The following NRG3 variants were observed in gnomAD, a reference collection of about 807,000 sequenced individuals.
NRG3 encodes pro-neuregulin-3, membrane-bound isoform.
In NRG3, 31 loss-of-function variants were observed where a neutral mutation model predicts 66.9. That is an observed-to-expected ratio of 0.46 (90% CI 0.35 to 0.63). The LOEUF (loss-of-function observed/expected upper bound fraction) is 0.63. Ranked by LOEUF, NRG3 falls within the 20% of genes least tolerant of loss-of-function variation. The probability of loss-of-function intolerance (pLI) is 0.00; values close to 1 mark genes in which losing one functional copy is unlikely to be tolerated. For missense variants in NRG3, 910 were observed against 878.9 expected, an observed-to-expected ratio of 1.04 and a Z score of -0.45; for synonymous variants, 393 against 359.4, an observed-to-expected ratio of 1.09 and a Z score of -1.06.
At chr10:82,808,401 C>A (rs533598523) in intron 3 of NRG3, among the ~76,000 whole-genome samples, 1 of 152,072 alleles carries the variant, frequency 6.6e-6, no homozygotes, top group East Asian at 1.9e-4. Context: ...ATAAAGGAGT[C>A]GACTCATTTC....
intron 1 of NRG3, among the ~76,000 whole-genome samples, chr10:82,277,208 C>T (rs567913768): frequency 7.2e-5 from 11 of 151,860 alleles, no homozygotes; most frequent in Non-Finnish European, 1.2e-4. Flanking sequence ...CCTCTAAGTA[C>T]GTTTTGGATC....
At chr10:82,816,599 T>C (rs2061716203) in intron 3 of NRG3, among the ~76,000 whole-genome samples, 1 of 151,972 alleles carries the variant, frequency 6.6e-6, no homozygotes, top group Admixed American at 6.6e-5. Context: ...GGACTCCACC[T>C]GGAATTCCAC....
intron 1 of NRG3, among the ~76,000 whole-genome samples, chr10:82,034,242 T>G (rs1368880657): frequency 6.6e-6 from 1 of 152,154 alleles, no homozygotes; most frequent in Non-Finnish European, 1.5e-5. Flanking sequence ...ACCATATACA[T>G]GACCCATTAT....
intron 2 of NRG3, among the ~76,000 whole-genome samples, chr10:82,535,814 A>G (rs142448480): frequency 6.6e-6 from 1 of 152,242 alleles, no homozygotes; most frequent in Non-Finnish European, 1.5e-5. Flanking sequence ...ATTTTCCTTT[A>G]AGTAATGGGC....
intron 2 of NRG3, among the ~76,000 whole-genome samples, chr10:82,598,700 G>C (rs1357968442): frequency 6.6e-6 from 1 of 152,144 alleles, no homozygotes; most frequent in African/African-American, 2.4e-5. Flanking sequence ...ACTGTCTCTG[G>C]TGACTTTGAT....
At chr10:82,699,174 C>G (rs962822741) in intron 2 of NRG3, among the ~76,000 whole-genome samples, 9 of 151,692 alleles carry the variant, frequency 5.9e-5, no homozygotes, top group African/African-American at 2.2e-4. Flanking sequence ...AAGTAATTGT[C>G]TAGCCCAGGG....
At chr10:82,628,324 C>A (rs1461222321) in intron 2 of NRG3, among the ~76,000 whole-genome samples, 1 of 152,018 alleles carries the variant, frequency 6.6e-6, no homozygotes, top group Non-Finnish European at 1.5e-5. Context: ...TTTAATCATT[C>A]TCTAGCATAT....
At chr10:82,824,404 T>C (rs1180940805) in intron 3 of NRG3, among the ~76,000 whole-genome samples, 1 of 152,220 alleles carries the variant, frequency 6.6e-6, no homozygotes, top group Non-Finnish European at 1.5e-5. Flanking sequence ...ATTGCTGAGT[T>C]ATATGGTAGC....
At chr10:82,220,601 T>C (rs2075895603) in intron 1 of NRG3, among the ~76,000 whole-genome samples, 1 of 152,106 alleles carries the variant, frequency 6.6e-6, no homozygotes, top group Non-Finnish European at 1.5e-5. Flanking sequence ...GAAATATGCT[T>C]CCATACCTTG....
intron 1 of NRG3, among the ~76,000 whole-genome samples, chr10:82,235,116 C>T (rs1407058701): frequency 6.6e-6 from 1 of 152,200 alleles, no homozygotes; most frequent in Non-Finnish European, 1.5e-5. Context: ...GAGACTAGGG[C>T]AGGGGTTGGC....
intron 1 of NRG3, among the ~76,000 whole-genome samples, chr10:81,913,336 A>C (rs1466373250): frequency 6.6e-6 from 1 of 152,104 alleles, no homozygotes; most frequent in Middle Eastern, 3.4e-3. Flanking sequence ...GCCAAGTGCT[A>C]TTACTGTCTT....
At chr10:81,979,531 A>G (rs1377461906) in intron 1 of NRG3, among the ~76,000 whole-genome samples, 2 of 152,148 alleles carry the variant, frequency 1.3e-5, no homozygotes, top group East Asian at 1.9e-4. Flanking sequence ...TTTTGTTTAG[A>G]TTGTCCCACT....
At chr10:82,741,603 C>T (rs951342362) in intron 3 of NRG3, among the ~76,000 whole-genome samples, 9 of 152,148 alleles carry the variant, frequency 5.9e-5, no homozygotes, top group Non-Finnish European at 1.2e-4. Context: ...CCCTCACAAT[C>T]ACAGTTTAGT....
rs531554816 is a variant in NRG3, at chr10:82,470,963, G to C, written c.953+112095G>C. Among the ~76,000 whole-genome samples, 9 of 152,202 alleles carry C rather than the reference G, an allele frequency of 5.9e-5. 1 individual carries two copies. The South Asian group carries it at 1.9e-3, about 32-fold the overall frequency. On this transcript the variant is annotated intron_variant, in intron 2 of 8. Coordinates refer to ENST00000372141, the MANE Select transcript of NRG3 (RefSeq NM_001010848.4). ...ATTCCCTGGTTCTCCCAGGGGCCTGGTTCTGCGGCTGTCTTTCTTTTTTGA... is the reference window on the plus strand; with the variant it reads ...ATTCCCTGGTTCTCCCAGGGGCCTGCTTCTGCGGCTGTCTTTCTTTTTTGA...
At chr10:82,799,789 G>T (rs957371435) in intron 3 of NRG3, 2 of 152,286 alleles carry the variant, frequency 1.3e-5, no homozygotes, top group African/African-American at 4.8e-5. Context: ...AAAGAGGATA[G>T]TGAAAAGGGC....
At chr10:81,979,893 G>C (rs1194709646) in intron 1 of NRG3, among the ~76,000 whole-genome samples, 1 of 152,170 alleles carries the variant, frequency 6.6e-6, no homozygotes, top group East Asian at 1.9e-4. Flanking sequence ...CTTTGTCTGT[G>C]TATTTTACAA....
At chr10:82,923,033 G>A (rs1846602641) in intron 4 of NRG3, among the ~76,000 whole-genome samples, 1 of 152,156 alleles carries the variant, frequency 6.6e-6, no homozygotes, top group South Asian at 2.1e-4. Context: ...AAACAATAAA[G>A]CTACTGTAAC....
intron 4 of NRG3, among the ~76,000 whole-genome samples, chr10:82,934,378 A>G (rs1286306801): frequency 6.6e-6 from 1 of 152,222 alleles, no homozygotes; most frequent in Non-Finnish European, 1.5e-5. Flanking sequence ...TATTCAGTTC[A>G]GCTGTAACCG....
chr10:82,890,773 T>C (rs1484379771), intron 4 of NRG3, among the ~76,000 whole-genome samples: 1 of 152,230 alleles, frequency 6.6e-6, no homozygotes, highest in Non-Finnish European at 1.5e-5. Flanking sequence ...TTGAATTGCG[T>C]AAGACGTTCT....
Sources: gnomAD v4.1 joint callset for allele counts (sites outside exome capture counted in the v4.1 genomes callset) on GRCh38, gnomAD v4.1.1 for gene constraint, MANE v1.5 for transcripts, NCBI Gene and HGNC (gene_info 2026-07-23, HGNC 2026-07-21) for gene names.